Variants in EML6 observed in about 807,000 individuals in gnomAD.
EML6 encodes echinoderm microtubule-associated protein-like 6.
EML6 carries 154 observed loss-of-function variants against 240.1 expected under a neutral mutation model. The ratio of observed to expected loss-of-function variants is 0.64; its 90% CI spans 0.56 to 0.73. EML6 has a LOEUF of 0.73. EML6 is among the 30% of genes least tolerant of loss of function. The pLI, the probability that EML6 is intolerant of heterozygous loss-of-function variation, is 0.00. For missense variants in EML6, 2,964 were observed against 2,474.6 expected (o/e 1.20, Z -4.20); for synonymous variants, 1,148 against 899.0 (o/e 1.28, Z -4.95).
chr2:54,747,082 T>G (rs1276468738), intron 2 of EML6: 2 of 152,260 alleles, frequency 1.3e-5, no homozygotes, highest in African/African-American at 4.8e-5. Flanking sequence ...TTCCCTTGTG[T>G]TCACAGGAAT....
At chr2:54,825,360 C>G (rs893661077) in intron 5 of EML6, among the ~76,000 whole-genome samples, 2 of 152,140 alleles carry the variant, frequency 1.3e-5, no homozygotes, top group Non-Finnish European at 1.5e-5. Flanking sequence ...TTATACCTAA[C>G]TAGCTTTTTC....
chr2:54,850,717 G>A (rs1035569309), intron 10 of EML6, among the ~76,000 whole-genome samples: 2 of 152,204 alleles, frequency 1.3e-5, no homozygotes, highest in African/African-American at 4.8e-5. Context: ...GAGAAGAGGG[G>A]AAATGGAAAC....
chr2:54,912,567 C>G (rs544645181), intron 25 of EML6, among the ~76,000 whole-genome samples: 16 of 152,172 alleles, frequency 1.1e-4, no homozygotes, highest in Non-Finnish European at 2.4e-4. Flanking sequence ...CACCTCCTCT[C>G]TCTGCCCCCC....
At chr2:54,921,375 C>A (rs902953337) in intron 26 of EML6, among the ~76,000 whole-genome samples, 2 of 151,836 alleles carry the variant, frequency 1.3e-5, no homozygotes, top group African/African-American at 4.8e-5. Flanking sequence ...GCCAAGGAGG[C>A]GAAAGAACTG....
chr2:54,791,337 T>A (rs1194973482), intron 2 of EML6, among the ~76,000 whole-genome samples: 3 of 152,212 alleles, frequency 2.0e-5, no homozygotes, highest in African/African-American at 7.2e-5. Context: ...GGAAGGTGCC[T>A]ACATTCTGTC....
intron 5 of EML6, among the ~76,000 whole-genome samples, chr2:54,823,884 C>CTCTTTCTG (rs1558580517): frequency 1.4e-5 from 2 of 146,202 alleles, no homozygotes; most frequent in African/African-American, 5.0e-5. Flanking sequence ...CTCTTTCTGT[C>CTCTTTCTG]TCTCTCTCTC....
intron 12 of EML6, among the ~76,000 whole-genome samples, chr2:54,860,752 C>T (rs1179211890): frequency 6.6e-6 from 1 of 152,156 alleles, no homozygotes; most frequent in African/African-American, 2.4e-5. Context: ...CTTGTAGGCA[C>T]TTGCAGCGGC....
At chr2:54,961,184 G>GTTGGTTTTTTTTTTTTTTTTT in intron 35 of EML6, among the ~76,000 whole-genome samples, 1 of 55,424 alleles carries the variant, frequency 1.8e-5, no homozygotes. Flanking sequence ...TCAGGAAGTA[G>GTTGGTTTTTTTTTTTTTTTTT]TTTTTTTTTT....
chr2:54,916,834 G>C lies in EML6; in HGVS notation c.3574G>C (p.Asp1192His), dbSNP rs972657970. The change falls in exon 26 of 42, where the codon GAT (aspartate) becomes CAT (histidine). Residue 1192 changes from aspartate (D) to histidine (H), a missense_variant. Physicochemically the swap from Asp to His is moderately conservative, Grantham distance 81. Coordinates refer to ENST00000356458, the MANE Select transcript of EML6 (RefSeq NM_001039753.4). Reference protein sequence around the residue: ...TCEGIWPAHSDITDVNAASLT... With the variant: ...TCEGIWPAHSHITDVNAASLT... ...TGAGGGAATCTGGCCAGCACATAGC[G>C]ATATAACTGACGTAAATGCTGCCAG... is the stretch of plus-strand genomic sequence containing the variant. 2 of 1,550,608 alleles carry C rather than the reference G, an allele frequency of 1.3e-6. No homozygotes were observed. The highest frequency in any genetic ancestry group is 1.7e-6 in the Non-Finnish European group (2 of 1,146,174).
intron 5 of EML6, among the ~76,000 whole-genome samples, chr2:54,821,743 T>TGG: frequency 6.6e-6 from 1 of 152,078 alleles, no homozygotes; most frequent in South Asian, 2.1e-4. Context: ...TAATAGCATC[T>TGG]CTAACTGGCA....
chr2:54,787,955 C>T (rs942774512), intron 2 of EML6, among the ~76,000 whole-genome samples: 10 of 152,284 alleles, frequency 6.6e-5, no homozygotes, highest in African/African-American at 2.2e-4. Flanking sequence ...GTGGTTTCTG[C>T]TGTAGCCTGC....
At chr2:54,953,618 G>A (rs1381529140) in intron 31 of EML6, among the ~76,000 whole-genome samples, 1 of 152,082 alleles carries the variant, frequency 6.6e-6, no homozygotes, top group Non-Finnish European at 1.5e-5. Context: ...CAGGCCGGGC[G>A]GCAGTGGCTC....
At chr2:54,908,166 C>G (rs946243910) in intron 24 of EML6, among the ~76,000 whole-genome samples, 6 of 151,680 alleles carry the variant, frequency 4.0e-5, no homozygotes, top group Non-Finnish European at 7.4e-5. Context: ...TTCTTCTTGA[C>G]ATCCTTGATT....
chr2:54,848,083 GAAGA>G (rs889143867), intron 9 of EML6, among the ~76,000 whole-genome samples: 1 of 152,078 alleles, frequency 6.6e-6, no homozygotes, highest in Non-Finnish European at 1.5e-5. Context: ...AAGAAAAGAG[GAAGA>G]AAGAATAAAG....
At chr2:54,843,161 G>A (rs1669552252) in intron 7 of EML6, among the ~76,000 whole-genome samples, 1 of 152,162 alleles carries the variant, frequency 6.6e-6, no homozygotes, top group Non-Finnish European at 1.5e-5. Context: ...AGGTTTTCAT[G>A]AAGACCAATT....
At position 54,872,537 on chromosome 2, in the gene EML6, T is replaced by C. The variant is rs116033532; in HGVS notation, c.2344+932T>C. ...CTCTTCCTCAGTCCATCCCACCCTC[T>C]TCTGGAGTCTCCCAAAAGCATAGTT... is the stretch of plus-strand genomic sequence containing the variant. On this transcript the variant is annotated intron_variant, in intron 16 of 41. Coordinates refer to ENST00000356458, the MANE Select transcript of EML6 (RefSeq NM_001039753.4). Among the ~76,000 whole-genome samples the C allele has an allele frequency of 6.1e-3, 931 of 152,306 alleles. 4 individuals are homozygous for C. Among genetic ancestry groups the C allele is most frequent in the African/African-American group, 0.018 (757 of 41,566 alleles).
chr2:54,902,856 T>C (rs1673131264), intron 22 of EML6, among the ~76,000 whole-genome samples, 188 bp from the exon 23 acceptor site: 1 of 152,230 alleles, frequency 6.6e-6, no homozygotes, highest in Non-Finnish European at 1.5e-5. Context: ...ATTACAGGCA[T>C]GAGCTGCTGC....
intron 41 of EML6, among the ~76,000 whole-genome samples, chr2:54,969,344 C>G (rs1458947554): frequency 6.6e-6 from 1 of 152,190 alleles, no homozygotes. Flanking sequence ...TACAGGCCTT[C>G]TGATACTTCC....
intron 28 of EML6, among the ~76,000 whole-genome samples, chr2:54,942,197 G>A (rs994653518): frequency 6.6e-6 from 1 of 152,142 alleles, no homozygotes; most frequent in Non-Finnish European, 1.5e-5. Context: ...ACAAAGAGTG[G>A]CCAGTGTATA....
Sources: allele counts gnomAD v4.1 joint callset (sites outside exome capture counted in the v4.1 genomes callset), GRCh38; gene constraint gnomAD v4.1.1; transcripts MANE v1.5; gene names NCBI Gene and HGNC (gene_info 2026-07-23, HGNC 2026-07-21).